Variants in SYN3 observed in about 807,000 individuals in gnomAD.
SYN3 encodes synapsin III.
A neutral mutation model predicts 65.8 loss-of-function variants in SYN3; 35 were observed. That is an observed-to-expected ratio of 0.53 (90% confidence interval 0.41 to 0.70). SYN3 has a LOEUF of 0.70. Among genes scored for constraint, SYN3 ranks in the 30% least tolerant of loss-of-function variants. SYN3 has a pLI of 0.00. For missense variants in SYN3, 680 were observed against 749.0 expected (o/e 0.91, Z 1.08); for synonymous variants, 270 against 292.9 (o/e 0.92, Z 0.80).
At chr22:32,607,256 C>T (rs969179622) in intron 6 of SYN3, among the ~76,000 whole-genome samples, 1 of 152,268 alleles carries the variant, frequency 6.6e-6, no homozygotes. Flanking sequence ...AACATTGAAC[C>T]CTCAGGCCTC....
chr22:32,540,551 T>C (rs936396203), intron 8 of SYN3, among the ~76,000 whole-genome samples: 10 of 152,200 alleles, frequency 6.6e-5, no homozygotes, highest in African/African-American at 2.4e-4. Context: ...AGAGAGGGCT[T>C]GGAGCAAAGA....
chr22:33,028,806 C>T (rs1487035111), intron 1 of SYN3, among the ~76,000 whole-genome samples: 1 of 151,972 alleles, frequency 6.6e-6, no homozygotes, highest in African/African-American at 2.4e-5. Flanking sequence ...TTTGGGAGGC[C>T]AAGGCGGGTG....
chr22:32,741,347 A>ATTTTT (rs71187210), intron 6 of SYN3, among the ~76,000 whole-genome samples: 11 of 98,688 alleles, frequency 1.1e-4, no homozygotes, highest in East Asian at 3.7e-4. Flanking sequence ...CTAGAGCCCA[A>ATTTTT]TTTTTTTTTT....
intron 6 of SYN3, among the ~76,000 whole-genome samples, chr22:32,624,068 C>A (rs1220371178): frequency 6.6e-6 from 1 of 152,224 alleles, no homozygotes. Flanking sequence ...AGGCCCTTGC[C>A]AAGATCAACT....
At chr22:33,038,524 C>A (rs2145924540) in intron 1 of SYN3, among the ~76,000 whole-genome samples, 1 of 152,308 alleles carries the variant, frequency 6.6e-6, no homozygotes, top group Non-Finnish European at 1.5e-5. Context: ...GGGTCCAGAC[C>A]TGCTTAGGGA....
intron 6 of SYN3, among the ~76,000 whole-genome samples, chr22:32,771,351 G>C (rs1359389374): frequency 6.6e-6 from 1 of 152,320 alleles, no homozygotes; most frequent in East Asian, 1.9e-4. Flanking sequence ...GAGGAAAAAG[G>C]TTCAACCACA....
At chr22:32,711,451 G>A (rs181508651) in intron 6 of SYN3, among the ~76,000 whole-genome samples, 4 of 152,282 alleles carry the variant, frequency 2.6e-5, no homozygotes, top group South Asian at 4.2e-4. Flanking sequence ...AGTGATGGGG[G>A]AGAAGAAGCT....
intron 6 of SYN3, among the ~76,000 whole-genome samples, chr22:32,708,178 C>A (rs1379978089): frequency 6.6e-6 from 1 of 152,200 alleles, no homozygotes. Flanking sequence ...CTGCAGCAGG[C>A]AGTGGTGTGG....
intron 6 of SYN3, among the ~76,000 whole-genome samples, chr22:32,722,040 A>G (rs1368579322): frequency 6.6e-6 from 1 of 152,210 alleles, no homozygotes; most frequent in African/African-American, 2.4e-5. Context: ...GCATGGCAGG[A>G]GCAAATGAGC....
chr22:32,698,265 AG>A (rs2060765054), intron 6 of SYN3, among the ~76,000 whole-genome samples: 1 of 152,134 alleles, frequency 6.6e-6, no homozygotes, highest in Non-Finnish European at 1.5e-5. Context: ...TGGGGTCTGA[AG>A]GGGTTTGACA....
intron 4 of SYN3, among the ~76,000 whole-genome samples, chr22:32,896,313 T>C (rs1346391321): frequency 1.3e-5 from 2 of 152,034 alleles, no homozygotes; most frequent in Non-Finnish European, 2.9e-5. Context: ...AAAAATTAGC[T>C]GGGCATGGTG....
intron 6 of SYN3, among the ~76,000 whole-genome samples, chr22:32,637,372 A>G (rs148903939): frequency 2.5e-4 from 38 of 152,300 alleles, no homozygotes; most frequent in African/African-American, 8.9e-4. Flanking sequence ...TATTATATCT[A>G]ATGTGTTTAA....
chr22:32,894,539 GGAGGAGGCCTGA>G, intron 4 of SYN3, among the ~76,000 whole-genome samples: 1 of 152,326 alleles, frequency 6.6e-6, no homozygotes, highest in Middle Eastern at 3.4e-3. Flanking sequence ...GTGTCTTAAA[GGAGGAGGCCTGA>G]GAGGAGAAGA....
intron 4 of SYN3, among the ~76,000 whole-genome samples, chr22:32,873,622 A>G (rs2048910330): frequency 2.0e-5 from 3 of 152,196 alleles, no homozygotes; most frequent in Non-Finnish European, 4.4e-5. Flanking sequence ...TAACTGGTCT[A>G]AGGACGGAAC....
chr22:32,938,160 G>A (rs1291963056), intron 3 of SYN3, among the ~76,000 whole-genome samples: 2 of 152,138 alleles, frequency 1.3e-5, no homozygotes, highest in Non-Finnish European at 1.5e-5. Context: ...ACAAAGATAA[G>A]AATGATAAAC....
At chr22:32,667,797 T>G (rs2060309203) in intron 6 of SYN3, among the ~76,000 whole-genome samples, 1 of 150,120 alleles carries the variant, frequency 6.7e-6, no homozygotes, top group Admixed American at 6.6e-5. Flanking sequence ...TTTCTTTCTT[T>G]CTTTTTTTTT....
chr22:32,965,853 C>T (rs2051822802), intron 3 of SYN3, among the ~76,000 whole-genome samples: 1 of 152,112 alleles, frequency 6.6e-6, no homozygotes, highest in South Asian at 2.1e-4. Context: ...CGCCACCACA[C>T]CCGGCTAATT....
At chr22:32,766,381 T>C (rs2045627963) in intron 6 of SYN3, among the ~76,000 whole-genome samples, 1 of 152,168 alleles carries the variant, frequency 6.6e-6, no homozygotes, top group Admixed American at 6.5e-5. Context: ...GCCTGGCACA[T>C]AGTAGGCCCT....
intron 6 of SYN3, among the ~76,000 whole-genome samples, chr22:32,804,295 C>T (rs890398485): frequency 6.6e-6 from 1 of 152,118 alleles, no homozygotes; most frequent in African/African-American, 2.4e-5. Context: ...TGCCGACCTC[C>T]CTCGCCTTGC....
Sources: gnomAD v4.1 joint callset for allele counts (sites outside exome capture counted in the v4.1 genomes callset) on GRCh38, gnomAD v4.1.1 for gene constraint, MANE v1.5 for transcripts, NCBI Gene and HGNC (gene_info 2026-07-23, HGNC 2026-07-21) for gene names.